DSCAML1: variants seen among roughly 807,000 people sequenced by gnomAD.
The protein encoded by DSCAML1 is DS cell adhesion molecule like 1.
Under a neutral mutation model 200.5 loss-of-function variants are expected in DSCAML1, and 38 were observed. The observed-to-expected ratio is 0.19, with a 90% CI of 0.15 to 0.25. The LOEUF is 0.25. Ranked by LOEUF, DSCAML1 falls within the 10% of genes least tolerant of loss-of-function variation. The pLI, the probability that DSCAML1 is intolerant of heterozygous loss-of-function variation, is 1.00. For missense variants in DSCAML1, 2,223 were observed against 2,858.8 expected (o/e 0.78, Z 5.07); for synonymous variants, 1,215 against 1,165.0 (o/e 1.04, Z -0.87).
intron 3 of DSCAML1, among the ~76,000 whole-genome samples, chr11:117,774,148 T>C (rs1404066960): frequency 6.6e-6 from 1 of 152,234 alleles, no homozygotes; most frequent in Non-Finnish European, 1.5e-5. Flanking sequence ...TCTTATTCCA[T>C]GTCTCTGTCC....
At chr11:117,769,184 A>ATATTATATAT (rs2054958642) in intron 3 of DSCAML1, among the ~76,000 whole-genome samples, 1 of 24,974 alleles carries the variant, frequency 4.0e-5, no homozygotes, top group Non-Finnish European at 8.7e-5. Flanking sequence ...TATATATTAT[A>ATATTATATAT]CATATATATT....
chr11:117,452,156 T>G (rs1281562460), intron 19 of DSCAML1, among the ~76,000 whole-genome samples: 1 of 152,178 alleles, frequency 6.6e-6, no homozygotes, highest in Non-Finnish European at 1.5e-5. Flanking sequence ...AATTGGAGTG[T>G]TCAAATCTCT....
intron 1 of DSCAML1, among the ~76,000 whole-genome samples, chr11:117,809,248 G>T (rs1027618956): frequency 2.6e-5 from 4 of 152,236 alleles, no homozygotes; most frequent in African/African-American, 9.6e-5. Flanking sequence ...CCAGGGTGGG[G>T]CAGGTCCTGG....
At chr11:117,471,582 C>T (rs1047525881) in intron 15 of DSCAML1, among the ~76,000 whole-genome samples, 1 of 152,164 alleles carries the variant, frequency 6.6e-6, no homozygotes, top group Admixed American at 6.5e-5. Context: ...ATGATCCAGG[C>T]CCTAGTACCC....
intron 3 of DSCAML1, among the ~76,000 whole-genome samples, chr11:117,565,095 A>G (rs1565792386): frequency 6.6e-6 from 1 of 151,940 alleles, no homozygotes; most frequent in Non-Finnish European, 1.5e-5. Flanking sequence ...CGACCTGACC[A>G]CCTGTTCAGT....
intron 3 of DSCAML1, among the ~76,000 whole-genome samples, chr11:117,596,599 C>T (rs543215096): frequency 2.6e-5 from 4 of 152,216 alleles, no homozygotes; most frequent in African/African-American, 9.6e-5. Context: ...CTCATGGAAC[C>T]TGCATTACTA....
chr11:117,694,057 T>TTATATATATATATATATATATATATATA lies in DSCAML1; in HGVS notation c.511+82733_511+82734insTATATATATATATATATATATATATATA, dbSNP rs35313833. ...CCTCTGTCATTTTTAGGTTCTATCT[T>TTATATATATATATATATATATATATATA]TATATATATATATATATATATACAC... On this transcript the variant is annotated intron_variant, in intron 3 of 32. Transcript: ENST00000651296. 1.4e-3 allele frequency among the ~76,000 whole-genome samples: 158 copies of TTATATATATATATATATATATATATATA among 116,456 alleles called. 2 individuals are homozygous for TTATATATATATATATATATATATATATA. Among genetic ancestry groups the TTATATATATATATATATATATATATATA allele is most frequent in the Non-Finnish European group, 2.0e-3 (110 of 55,484 alleles). The allele number at this position is 116,456 out of a possible 152,430, so 76.4% of individuals were successfully genotyped here.
chr11:117,781,067 C>T (rs777347354), intron 1 of DSCAML1, among the ~76,000 whole-genome samples: 2 of 152,098 alleles, frequency 1.3e-5, no homozygotes, highest in African/African-American at 2.4e-5. Context: ...GAGGCCGAGG[C>T]GGGCGGATCA....
At chr11:117,496,363 G>A (rs1377642760) in intron 11 of DSCAML1, among the ~76,000 whole-genome samples, 2 of 152,126 alleles carry the variant, frequency 1.3e-5, no homozygotes, top group Non-Finnish European at 2.9e-5. Flanking sequence ...ATTTATTCTG[G>A]CCCCACCATT....
At chr11:117,678,241 T>C (rs923187213) in intron 3 of DSCAML1, among the ~76,000 whole-genome samples, 2 of 152,218 alleles carry the variant, frequency 1.3e-5, no homozygotes, top group African/African-American at 4.8e-5. Flanking sequence ...GCCCCCATTT[T>C]TCTCCTGGTG....
rs533492076 is a variant in DSCAML1 at position 117,500,068 on chromosome 11, A to G, written c.2359+3777T>C. 7.2e-5 allele frequency among the ~76,000 whole-genome samples: 11 copies of G among 152,340 alleles called. No individual in the cohort carries two copies. The South Asian group carries it at 2.1e-3, about 29-fold the overall frequency. On this transcript the variant is annotated intron_variant, in intron 11 of 32. Transcript: ENST00000651296. ...ACACCCTGAGTTTCCTCAACATAGG[A>G]CAGTCACAGGCCTTCCTGTCTCCAC...
intron 3 of DSCAML1, among the ~76,000 whole-genome samples, chr11:117,588,309 C>T (rs2051190325): frequency 1.3e-5 from 2 of 152,192 alleles, no homozygotes; most frequent in Admixed American, 1.3e-4. Flanking sequence ...GTGCTGCAGC[C>T]TGGCCTTTCG....
At chr11:117,441,708 G>A (rs2048053090) in intron 21 of DSCAML1, among the ~76,000 whole-genome samples, 1 of 152,154 alleles carries the variant, frequency 6.6e-6, no homozygotes, top group Non-Finnish European at 1.5e-5. Context: ...GAGAGGTTCA[G>A]GTGCATGGCG....
intron 3 of DSCAML1, among the ~76,000 whole-genome samples, chr11:117,717,769 T>G (rs1230538520): frequency 6.6e-6 from 1 of 152,184 alleles, no homozygotes; most frequent in Non-Finnish European, 1.5e-5. Context: ...GAGGCACATC[T>G]GGGGGGTTGC....
chr11:117,587,426 C>T (rs115418123), intron 3 of DSCAML1, among the ~76,000 whole-genome samples: 2,329 of 152,208 alleles, frequency 0.015, 53 homozygotes, highest in African/African-American at 0.052. Flanking sequence ...TGTCCCTGGC[C>T]CCCTGACCCC....
rs757513667 is a variant in DSCAML1, at chr11:117,437,257, G to C, written c.4585C>G (p.Arg1529Gly). 4 of 1,614,214 alleles carry C rather than the reference G, an allele frequency of 2.5e-6. No homozygotes were observed. The highest frequency in any genetic ancestry group is 2.7e-5 in the African/African-American group (2 of 75,038). ...PKGTWAWQGLRANSSGEVFLT... is the reference protein window; with the variant it reads ...PKGTWAWQGLGANSSGEVFLT... Reference sequence around the variant, plus strand: ...AACACCTCCCCGGAGCTGTTGGCCCGGAGGCCCTGCCAGGCCCAGGTCCCC... The same window carrying C: ...AACACCTCCCCGGAGCTGTTGGCCCCGAGGCCCTGCCAGGCCCAGGTCCCC... The change falls in exon 26 of 33, where the codon CGG becomes GGG. Residue 1529 changes from arginine (R) to glycine (G), a missense_variant. By Grantham distance (125) the Arg-to-Gly change is moderately radical. Around this residue, in one of 7 missense-constraint regions of DSCAML1, gnomAD observed 614 missense variants for 739.1 expected, o/e 0.83. Transcript: ENST00000651296. This position sits in a 1 kb window ranked among gnomAD's most constrained non-coding sequence, Gnocchi z 5.3.
intron 3 of DSCAML1, among the ~76,000 whole-genome samples, chr11:117,588,935 C>A (rs1008396400): frequency 6.6e-6 from 1 of 152,184 alleles, no homozygotes; most frequent in Non-Finnish European, 1.5e-5. Context: ...GACCAGGGGA[C>A]CCTGCTGCCA....
At chr11:117,583,618 G>A (rs1427992056) in intron 3 of DSCAML1, among the ~76,000 whole-genome samples, 1 of 152,108 alleles carries the variant, frequency 6.6e-6, no homozygotes, top group Non-Finnish European at 1.5e-5. Context: ...CCCTGTGCAG[G>A]TCTGCCCTCC....
At chr11:117,548,427 C>A (rs1466063707) in intron 3 of DSCAML1, among the ~76,000 whole-genome samples, 1 of 152,184 alleles carries the variant, frequency 6.6e-6, no homozygotes. Flanking sequence ...TAGGGGTACA[C>A]CCTTCCCTGC....
Sources: gnomAD v4.1 joint callset for allele counts (sites outside exome capture counted in the v4.1 genomes callset) on GRCh38, gnomAD v4.1.1 for gene constraint, gnomAD v4.1.1 regional missense constraint, Gnocchi (gnomAD v3.1) non-coding constraint, MANE v1.5 for transcripts, NCBI Gene and HGNC (gene_info 2026-07-23, HGNC 2026-07-21) for gene names.